MSRB3: variants seen among roughly 807,000 people sequenced by gnomAD.
MSRB3 encodes the protein methionine sulfoxide reductase B3.
MSRB3 carries 13 observed loss-of-function variants against 21.0 expected under a neutral mutation model. That is an observed-to-expected ratio of 0.62 (90% CI 0.40 to 0.98). MSRB3 has a LOEUF of 0.98. MSRB3 is among the 50% of genes least tolerant of loss of function. MSRB3 has a pLI of 0.00. For synonymous variants in MSRB3, 87 were observed against 88.6 expected (o/e 0.98, Z 0.10); for missense variants, 199 against 230.3 (o/e 0.86, Z 0.88).
At chr12:65,445,391 C>G (rs1034312966) in intron 5 of MSRB3, among the ~76,000 whole-genome samples, 1 of 149,832 alleles carries the variant, frequency 6.7e-6, no homozygotes, top group Admixed American at 6.7e-5. Flanking sequence ...TGCTTAAAAG[C>G]CTTCAGGTGG....
chr12:65,422,424 ATATATATTTATT>A (rs1391607055), intron 5 of MSRB3, among the ~76,000 whole-genome samples: 20 of 75,636 alleles, frequency 2.6e-4, no homozygotes, highest in Admixed American at 1.1e-3. Context: ...ATATATATAT[ATATATATTTATT>A]TATTTATTTA....
chr12:65,462,799 C>T (rs1020932660), intron 6 of MSRB3, among the ~76,000 whole-genome samples: 7 of 152,068 alleles, frequency 4.6e-5, no homozygotes, highest in Non-Finnish European at 7.4e-5. Flanking sequence ...AAAGTAATGC[C>T]GGGGGAAAGA....
chr12:65,313,924 C>A (rs183392645), intron 2 of MSRB3, among the ~76,000 whole-genome samples: 1 of 152,138 alleles, frequency 6.6e-6, no homozygotes, highest in Non-Finnish European at 1.5e-5. Flanking sequence ...GGTTTACATT[C>A]TTTCATAGCA....
intron 2 of MSRB3, among the ~76,000 whole-genome samples, chr12:65,309,247 G>A (rs1454621933): frequency 6.6e-6 from 1 of 152,066 alleles, no homozygotes; most frequent in Non-Finnish European, 1.5e-5. Flanking sequence ...AATAAGTGAG[G>A]CATGAAAGTC....
chr12:65,423,103 C>T (rs1387975847), intron 5 of MSRB3, among the ~76,000 whole-genome samples: 2 of 151,722 alleles, frequency 1.3e-5, no homozygotes, highest in Non-Finnish European at 2.9e-5. Flanking sequence ...GCTGGGATTA[C>T]AGGTGTGTGC....
intron 5 of MSRB3, chr12:65,419,015 G>A: frequency 1.4e-6 from 1 of 713,178 alleles, no homozygotes; most frequent in East Asian, 2.7e-5. Flanking sequence ...TGCTCCATCT[G>A]CAGGGTGTAC....
chr12:65,419,714 T>A, intron 5 of MSRB3: 2 of 830,814 alleles, frequency 2.4e-6, no homozygotes, highest in Non-Finnish European at 4.1e-6. Flanking sequence ...CAGTTCTTGG[T>A]CTCTGGGCTC....
intron 5 of MSRB3, among the ~76,000 whole-genome samples, chr12:65,451,742 C>T (rs1045726208): frequency 8.5e-5 from 13 of 152,150 alleles, no homozygotes; most frequent in Admixed American, 7.9e-4. Context: ...ATTGATATTT[C>T]CTAAATTAGT....
chr12:65,368,941 A>G, intron 4 of MSRB3, 57 bp from the exon 5 acceptor site: 1 of 467,096 alleles, frequency 2.1e-6, no homozygotes, highest in Non-Finnish European at 4.1e-6. Context: ...CCCCCATGAA[A>G]TAATTGTTCT....
At chr12:65,435,773 G>A (rs1882087588) in intron 5 of MSRB3, among the ~76,000 whole-genome samples, 1 of 151,848 alleles carries the variant, frequency 6.6e-6, no homozygotes, top group East Asian at 1.9e-4. Flanking sequence ...CATAAGAAAG[G>A]AATTTATCAA....
At chr12:65,313,358 C>T (rs1874097674) in intron 2 of MSRB3, among the ~76,000 whole-genome samples, 1 of 152,068 alleles carries the variant, frequency 6.6e-6, no homozygotes, top group South Asian at 2.1e-4. Flanking sequence ...TAATCAGAAT[C>T]GTCAGTGTGC....
At position 65,278,881 on chromosome 12, in the gene MSRB3, C is replaced by T. The variant is rs1871823884; in HGVS notation, c.-52+16C>T. 4 of 1,550,802 alleles carry T rather than the reference C, an allele frequency of 2.6e-6. No individual in the cohort carries two copies. Among genetic ancestry groups the T allele is most frequent in the African/African-American group, 1.4e-5 (1 of 73,098 alleles). ...GCGCAGTCCGGTAAGTTCGGGCTCCCCTCCCCTCTCCTCCTCGCCTCACCC... is the reference window on the plus strand; with the variant it reads ...GCGCAGTCCGGTAAGTTCGGGCTCCTCTCCCCTCTCCTCCTCGCCTCACCC... On this transcript the variant is annotated intron_variant, in intron 1 of 6. Coordinates refer to ENST00000308259, the MANE Select transcript of MSRB3 (RefSeq NM_001031679.3).
At chr12:65,351,920 T>G (rs1024666270) in intron 4 of MSRB3, among the ~76,000 whole-genome samples, 1 of 152,108 alleles carries the variant, frequency 6.6e-6, no homozygotes, top group African/African-American at 2.4e-5. Flanking sequence ...CTGAAACTAT[T>G]CCAATCTATA....
chr12:65,377,874 TC>T (rs1379285976), intron 5 of MSRB3, among the ~76,000 whole-genome samples: 20 of 152,184 alleles, frequency 1.3e-4, no homozygotes, highest in African/African-American at 4.6e-4. Flanking sequence ...CAATATGCTT[TC>T]CTTATATCAC....
chr12:65,445,639 C>T (rs1592644676), intron 5 of MSRB3, among the ~76,000 whole-genome samples: 1 of 142,066 alleles, frequency 7.0e-6, no homozygotes, highest in African/African-American at 2.6e-5. Flanking sequence ...TTTCAAGACA[C>T]ATATATATAA....
At chr12:65,348,769 A>G (rs915621145) in intron 4 of MSRB3, among the ~76,000 whole-genome samples, 1 of 152,044 alleles carries the variant, frequency 6.6e-6, no homozygotes. Context: ...TGTGTCCCAG[A>G]GATTCTGGTA....
rs117030498 is a variant in MSRB3 at position 65,321,983 on chromosome 12, T to C, written c.77-4843T>C. Among the ~76,000 whole-genome samples the C allele has an allele frequency of 4.7e-3, 713 of 152,332 alleles. 22 individuals carry two copies. The East Asian group carries it at 0.095, about 20-fold the overall frequency. On this transcript the variant is annotated intron_variant, in intron 2 of 6. Transcript: ENST00000308259. ...TTAATAGTTTCGTTTTTTCTGATTC[T>C]AGAACCAAAATTAAAGTTATGGGAT...
At chr12:65,457,862 A>T (rs1020677129) in intron 6 of MSRB3, among the ~76,000 whole-genome samples, 3 of 151,308 alleles carry the variant, frequency 2.0e-5, no homozygotes, top group Non-Finnish European at 4.4e-5. Flanking sequence ...GTTTTATTTT[A>T]TTATTATTAT....
chr12:65,343,788 A>T (rs946472111), intron 4 of MSRB3, among the ~76,000 whole-genome samples: 1 of 152,040 alleles, frequency 6.6e-6, no homozygotes, highest in Admixed American at 6.6e-5. Flanking sequence ...GCTTCCCTGT[A>T]TTCTGGCTGA....
Sources: allele counts gnomAD v4.1 joint callset (sites outside exome capture counted in the v4.1 genomes callset), GRCh38; gene constraint gnomAD v4.1.1; transcripts MANE v1.5; gene names NCBI Gene and HGNC (gene_info 2026-07-23, HGNC 2026-07-21).